The following CDAN1 variants were observed in gnomAD, a reference collection of about 807,000 sequenced individuals.
CDAN1 encodes the protein codanin 1.
In CDAN1, 107 loss-of-function variants were observed where a neutral mutation model predicts 139.8. The observed-to-expected ratio is 0.77, with a 90% CI of 0.65 to 0.90. The LOEUF (loss-of-function observed/expected upper bound fraction) is 0.90, where lower values mean the gene tolerates loss of function less well. CDAN1 is among the 40% of genes least tolerant of loss of function. The pLI, the probability that CDAN1 is intolerant of heterozygous loss-of-function variation, is 0.00. For synonymous variants in CDAN1, 776 were observed against 660.6 expected, an observed-to-expected ratio of 1.17 and a Z score of -2.68; for missense variants, 1,667 against 1,575.7, an observed-to-expected ratio of 1.06 and a Z score of -0.98.
In CDAN1 at chr15:42,736,285, TG is replaced by T; in HGVS notation, c.569+16del. On this transcript the variant is annotated intron_variant, in intron 2 of 27. Coordinates refer to ENST00000356231, the MANE Select transcript of CDAN1 (RefSeq NM_138477.4). ...GCCTTCGTGGTACCCATCTCCTGCA[TG>T]AGAGCTGAGTCTCACCCTGTAGGGC... 3 of 1,613,254 alleles carry T rather than the reference TG, an allele frequency of 1.9e-6. No individual in the cohort carries two copies. The highest frequency in any genetic ancestry group is 2.5e-6 in the Non-Finnish European group (3 of 1,179,886).
At position 42,723,679 on chromosome 15, in the gene CDAN1, A is replaced by C. The variant is rs2061487873; in HGVS notation, c.*812T>G. 6.6e-6 allele frequency: 1 copy of C among 152,370 alleles called. No homozygotes were observed. The highest frequency in any genetic ancestry group is 1.5e-5 in the Non-Finnish European group (1 of 68,160). The allele number at this position is 152,370 out of a possible 1,614,324, so 9.4% of individuals were successfully genotyped here. A position where few individuals can be genotyped will look rare whatever the true frequency, so the allele number is the denominator to read the frequency against. ...GGGCTGAAGGTACAGGGGGAAAGTC[A>C]GGTTTCAGTTGGTTGAGTCCTACCT... On this transcript the variant is annotated 3_prime_UTR_variant, in exon 28 of 28. Coordinates refer to ENST00000356231, the MANE Select transcript of CDAN1 (RefSeq NM_138477.4).
rs1490308237 is a variant in CDAN1, at chr15:42,733,820, G to A, written c.1367+118C>T. On this transcript the variant is annotated intron_variant, in intron 8 of 27. Coordinates refer to ENST00000356231, the MANE Select transcript of CDAN1 (RefSeq NM_138477.4). ...TATGATGGCCGGCAGGAAGGACCTG[G>A]GGGGACTAACCCACCACCTGTTGGT... 3 of 761,758 alleles carry A rather than the reference G, an allele frequency of 3.9e-6. No homozygotes were observed. In the African/African-American group the frequency reaches 5.2e-5, roughly 13 times the overall value. The allele number at this position is 761,758 out of a possible 1,614,324, so 47.2% of individuals were successfully genotyped here.
chr15:42,727,808 G>A lies in CDAN1; in HGVS notation c.2948-39C>T, dbSNP rs975011454. On this transcript the variant is annotated intron_variant, in intron 22 of 27. Coordinates refer to ENST00000356231, the MANE Select transcript of CDAN1 (RefSeq NM_138477.4). ...GGAGAATGGGAAAGGAATCACGGGA[G>A]GGCCCTGCACAGGTTCACCATGCTA... The A allele has an allele frequency of 4.3e-6, 7 of 1,610,352 alleles. No individual in the cohort carries two copies. In the African/African-American group the frequency reaches 9.4e-5, roughly 22 times the overall value.
chr15:42,735,810 G>T, intron 3 of CDAN1, 65 bp downstream of exon 3: 1 of 1,601,828 alleles, frequency 6.2e-7, no homozygotes, highest in South Asian at 1.1e-5. Flanking sequence ...ATCAATTTCA[G>T]GGAAAACCCC....
chr15:42,730,707 C>T lies in CDAN1; in HGVS notation c.2065G>A (p.Ala689Thr), dbSNP rs1252598432. ...ACCAGCCAGGGCACGGTGAGCACCG[C>T]CCGGCGGGCCTGCAGCCCTCGCTGC... ...LLQRGLQARR[A>T]VLTVPWLVEF... is the part of the protein sequence containing the mutation. The change falls in exon 14 of 28, where the codon GCG (alanine) becomes ACG (threonine). Residue 689 changes from alanine (A) to threonine (T), a missense_variant. Transcript: ENST00000356231. The T allele has an allele frequency of 3.7e-6, 6 of 1,613,464 alleles. No individual in the cohort carries two copies. Among genetic ancestry groups the T allele is most frequent in the Middle Eastern group, 1.6e-4 (1 of 6,084 alleles).
intron 2 of CDAN1, 84 bp from the exon 3 acceptor site, chr15:42,736,162 C>CA (rs746356035): frequency 2.5e-5 from 39 of 1,571,596 alleles, no homozygotes; most frequent in African/African-American, 8.1e-5. Context: ...GACCTCTTGC[C>CA]AAAAAACCCC....
rs1026928699 is a variant in CDAN1, at chr15:42,725,206, G to A, written c.3496C>T (p.Leu1166=). Residue 1166 remains leucine, a synonymous_variant, in exon 27 of 28, where the codon CTG becomes TTG. Transcript: ENST00000356231. ...GCCTCTATCTCCATCCGTCCCATCA[G>A]ACCCTTCTCCACCAGCTCCCGTAGC... is the stretch of plus-strand genomic sequence containing the variant. The part of the protein sequence containing the change: ...FLLRELVEKG[L]MGRMEIEACL... 2 of 1,614,086 alleles carry A rather than the reference G, an allele frequency of 1.2e-6. No individual in the cohort carries two copies. Among genetic ancestry groups the A allele is most frequent in the African/African-American group, 2.7e-5 (2 of 74,932 alleles).
rs570078213 is a variant in CDAN1, at chr15:42,724,434, G to T, written c.*57C>A. The T allele has an allele frequency of 1.3e-6, 2 of 1,555,036 alleles. No individual in the cohort carries two copies. The highest frequency in any genetic ancestry group is 2.7e-5 in the African/African-American group (2 of 73,480). On this transcript the variant is annotated 3_prime_UTR_variant, in exon 28 of 28. Transcript: ENST00000356231. Reference sequence around the variant, plus strand: ...CTGCATTGGGCACTTGGGCCTCCTCGTGAGGCGGGGGTCCAGGGTTCTGGT... The same window carrying T: ...CTGCATTGGGCACTTGGGCCTCCTCTTGAGGCGGGGGTCCAGGGTTCTGGT...
At chr15:42,724,898 A>G (rs775616723) in intron 27 of CDAN1, 16 of 613,300 alleles carry the variant, frequency 2.6e-5, no homozygotes, top group Non-Finnish European at 4.3e-5. Context: ...AATCCAGGTT[A>G]TTCTAATTTT....
intron 19 of CDAN1, 91 bp from the exon 20 acceptor site, chr15:42,728,901 A>G (rs1371655116): frequency 1.9e-6 from 3 of 1,599,446 alleles, no homozygotes; most frequent in Non-Finnish European, 2.6e-6. Context: ...AATTTGCTTC[A>G]AAATGTGTCA....
At chr15:42,732,904 A>G (rs2061633551) in intron 9 of CDAN1, among the ~76,000 whole-genome samples, 193 bp downstream of exon 9, 1 of 152,242 alleles carries the variant, frequency 6.6e-6, no homozygotes, top group Non-Finnish European at 1.5e-5. Flanking sequence ...TGTGAGTGGA[A>G]GGAGCTGGAG....
intron 18 of CDAN1, 21 bp from the exon 19 acceptor site, chr15:42,729,147 C>CA: frequency 6.2e-7 from 1 of 1,613,582 alleles, no homozygotes; most frequent in Non-Finnish European, 8.5e-7. Flanking sequence ...GAGGGAGAGG[C>CA]AGCAAGGCTT....
rs80338697 is a variant in CDAN1 at position 42,726,390 on chromosome 15, G to A, written c.3124C>T (p.Arg1042Trp). The A allele has an allele frequency of 1.1e-5, 18 of 1,597,972 alleles. No individual in the cohort carries two copies. The highest frequency in any genetic ancestry group is 2.3e-5 in the East Asian group (1 of 44,128). The part of the protein sequence containing the change: ...KDVLSLAVGP[R>W]DPDEGVSPEH... ...GGGGAGACTCCCTCGTCAGGGTCCCGTGGCCCCACGGCCAAGGAGAGCACG... is the reference window on the plus strand; with the variant it reads ...GGGGAGACTCCCTCGTCAGGGTCCCATGGCCCCACGGCCAAGGAGAGCACG... The change falls in exon 24 of 28, where the codon CGG becomes TGG. Residue 1042 changes from arginine to tryptophan, a missense_variant. Arg to Trp is a moderately radical substitution (Grantham distance 101). Around this residue, in one of 3 missense-constraint regions of CDAN1, gnomAD observed 936 missense variants for 844.1 expected, o/e 1.11. Coordinates refer to ENST00000356231, the MANE Select transcript of CDAN1 (RefSeq NM_138477.4).
intron 20 of CDAN1, 51 bp downstream of exon 20, chr15:42,728,601 G>C (rs984204825): frequency 1.2e-6 from 2 of 1,609,142 alleles, no homozygotes; most frequent in African/African-American, 1.3e-5. Flanking sequence ...AGGAAAGAAA[G>C]GACAGAGAAA....
Position 42,724,445 on chromosome 15 carries a change from G to A in CDAN1, c.*46C>T, listed in dbSNP as rs769952384. The A allele has an allele frequency of 1.9e-6, 3 of 1,561,732 alleles. No homozygotes were observed. Among genetic ancestry groups the A allele is most frequent in the East Asian group, 2.4e-5 (1 of 42,076 alleles). On this transcript the variant is annotated 3_prime_UTR_variant, in exon 28 of 28. Transcript: ENST00000356231. ...ACTTGGGCCTCCTCGTGAGGCGGGG[G>A]TCCAGGGTTCTGGTGCAATGCCCAA...
In CDAN1 at chr15:42,731,232, C is replaced by T. The variant is rs148994527; in HGVS notation, c.1839G>A (p.Gly613=). The change falls in exon 12 of 28, where the codon GGG becomes GGA. Residue 613 remains glycine (G), a synonymous_variant. Coordinates refer to ENST00000356231, the MANE Select transcript of CDAN1 (RefSeq NM_138477.4). ...LPQHEPNDED[G]ESDVDWQGER... is the part of the protein sequence containing the mutation. ...GGACCTGCCAGTCTACGTCTGACTC[C>T]CCGTCTTCATCATTGGGCTCATGCT... 47 of 1,614,186 alleles carry T rather than the reference C, an allele frequency of 2.9e-5. No individual in the cohort carries two copies. In the East Asian group the frequency reaches 9.8e-4, roughly 34 times the overall value.
rs927434443 is a variant in CDAN1 at position 42,725,567 on chromosome 15, G to C, written c.3372C>G (p.Asp1124Glu). The change falls in exon 26 of 28, where the codon GAC (aspartate) becomes GAG (glutamate). Residue 1124 changes from aspartate (D) to glutamate (E), a missense_variant. This residue lies in a region of CDAN1 where 936 missense variants were observed against 844.1 expected (regional missense o/e 1.11). Coordinates refer to ENST00000356231, the MANE Select transcript of CDAN1 (RefSeq NM_138477.4). ...LHMLLSLWKE[D>E]FQGPVPLQLL... ...GCTGCAGCGGAACCGGCCCCTGAAA[G>C]TCTTCCTTCCACAAGGAAAGCAGCA... The C allele has an allele frequency of 6.2e-7, 1 of 1,614,038 alleles. No homozygotes were observed. The highest frequency in any genetic ancestry group is 1.1e-5 in the South Asian group (1 of 91,084).
In CDAN1 at chr15:42,726,079, G is replaced by A. The variant is rs754699165; in HGVS notation, c.3268+18C>T. 88 of 1,589,060 alleles carry A rather than the reference G, an allele frequency of 5.5e-5. No homozygotes were observed. The highest frequency in any genetic ancestry group is 7.3e-5 in the Non-Finnish European group (85 of 1,164,550). On this transcript the variant is annotated intron_variant, in intron 25 of 27. Coordinates refer to ENST00000356231, the MANE Select transcript of CDAN1 (RefSeq NM_138477.4). ...GGGGGATCAGGCAAGAGAGGGATTT[G>A]ATGGAAAGCAACCATACCGAGGAGG...
rs762159105 is a variant in CDAN1 at position 42,725,533 on chromosome 15, T to G, written c.3406A>C (p.Ser1136Arg). The G allele has an allele frequency of 1.2e-6, 2 of 1,614,024 alleles. No homozygotes were observed. Among genetic ancestry groups the G allele is most frequent in the African/African-American group, 1.3e-5 (1 of 74,898 alleles). The change falls in exon 26 of 28, where the codon AGC (serine) becomes CGC (arginine). Residue 1136 changes from serine to arginine, a missense_variant. Coordinates refer to ENST00000356231, the MANE Select transcript of CDAN1 (RefSeq NM_138477.4). ...GCCAGAAGCCCCACATTTCTTGGGC[T>G]CAGCAGCAGCTGCAGCGGAACCGGC... ...QGPVPLQLLL[S>R]PRNVGLLADT...
Sources: allele counts gnomAD v4.1 joint callset (sites outside exome capture counted in the v4.1 genomes callset), GRCh38; gene constraint gnomAD v4.1.1; regional missense constraint gnomAD v4.1.1; transcripts MANE v1.5; gene names NCBI Gene and HGNC (gene_info 2026-07-23, HGNC 2026-07-21).